The following TBCK variants were observed in gnomAD, a reference collection of about 807,000 sequenced individuals.
TBCK encodes TBC1 domain containing kinase, also known as TBC domain-containing protein kinase-like protein.
TBCK carries 99 observed loss-of-function variants against 113.4 expected under a neutral mutation model. The ratio of observed to expected loss-of-function variants is 0.87; its 90% CI spans 0.74 to 1.03. TBCK has a LOEUF of 1.03. Among genes scored for constraint, TBCK ranks in the 50% least tolerant of loss-of-function variants. TBCK has a pLI of 0.00. For missense variants in TBCK, 1,045 were observed against 1,061.3 expected, an observed-to-expected ratio of 0.98 and a Z score of 0.21; for synonymous variants, 369 against 370.8, an observed-to-expected ratio of 1.00 and a Z score of 0.05.
intron 3 of TBCK, among the ~76,000 whole-genome samples, chr4:106,273,788 G>A (rs561521837): frequency 2.5e-4 from 38 of 152,344 alleles, no homozygotes; most frequent in Admixed American, 1.6e-3. Flanking sequence ...GCCTCCAAAG[G>A]GGGTGTGACC....
intron 24 of TBCK, among the ~76,000 whole-genome samples, chr4:106,115,503 T>C (rs946598809): frequency 1.3e-5 from 2 of 152,214 alleles, no homozygotes; most frequent in Non-Finnish European, 2.9e-5. Flanking sequence ...AAATTAGTTA[T>C]AACATTCATT....
chr4:106,087,713 T>C (rs1343277020), intron 25 of TBCK, among the ~76,000 whole-genome samples: 8 of 152,158 alleles, frequency 5.3e-5, no homozygotes, highest in African/African-American at 1.9e-4. Flanking sequence ...CAAAACAGCA[T>C]GGTATTTGTA....
intron 23 of TBCK, among the ~76,000 whole-genome samples, chr4:106,145,111 A>T (rs929655300): frequency 6.6e-6 from 1 of 151,916 alleles, no homozygotes; most frequent in Non-Finnish European, 1.5e-5. Context: ...GGAAATCAAG[A>T]GATTGAGACC....
At chr4:106,214,476 A>T (rs1235497429) in intron 19 of TBCK, among the ~76,000 whole-genome samples, 1 of 150,624 alleles carries the variant, frequency 6.6e-6, no homozygotes, top group Non-Finnish European at 1.5e-5. Context: ...AAAAAAATTT[A>T]GAAGAATGTA....
rs1275643672 is a variant in TBCK, at chr4:106,242,550, C to A, written c.1090G>T (p.Glu364Ter). Residue 364 changes from glutamate to a stop codon, truncating the protein, a stop_gained, in exon 12 of 26, where the codon GAA becomes TAA. Coordinates refer to ENST00000394708, the MANE Select transcript of TBCK (RefSeq NM_001163435.3). LOFTEE classifies it high-confidence loss of function. The stretch of plus-strand genomic sequence containing the variant: ...CTATCTCGACCTTGTCCAAAGCTTT[C>A]ACCATCCTCAAAGAGAAAACTGAAA... ...TLPNFLFEDG[E>*]SFGQGRDRSS... The A allele has an allele frequency of 6.2e-7, 1 of 1,604,290 alleles. No individual in the cohort carries two copies. Among genetic ancestry groups the A allele is most frequent in the Admixed American group, 1.7e-5 (1 of 58,722 alleles).
chr4:106,302,771 G>GATTA (rs1767080807), intron 2 of TBCK, among the ~76,000 whole-genome samples: 1 of 152,178 alleles, frequency 6.6e-6, no homozygotes, highest in South Asian at 2.1e-4. Flanking sequence ...TCTGTAGCTG[G>GATTA]ATTAAGGGTA....
intron 25 of TBCK, among the ~76,000 whole-genome samples, chr4:106,081,063 T>G (rs1738803327): frequency 6.6e-6 from 1 of 152,146 alleles, no homozygotes; most frequent in African/African-American, 2.4e-5. Flanking sequence ...TTTTACACAT[T>G]GGTGTTAGTG....
At chr4:106,053,082 C>T (rs772677369) in intron 25 of TBCK, among the ~76,000 whole-genome samples, 8 of 151,582 alleles carry the variant, frequency 5.3e-5, no homozygotes, top group Admixed American at 1.3e-4. Flanking sequence ...AACTCATAAA[C>T]GTCCTCTCTC....
intron 23 of TBCK, among the ~76,000 whole-genome samples, chr4:106,139,114 C>T (rs72677328): frequency 0.028 from 3,896 of 140,388 alleles, 768 homozygotes; most frequent in Non-Finnish European, 0.044. Context: ...CTCTGGTCCT[C>T]CTTGTCACTT....
intron 23 of TBCK, among the ~76,000 whole-genome samples, chr4:106,146,994 A>C (rs571122364): frequency 1.6e-4 from 24 of 152,306 alleles, no homozygotes; most frequent in Admixed American, 3.9e-4. Context: ...ATTCCATTCT[A>C]AGAAACTTTT....
chr4:106,079,179 T>A (rs1052586974), intron 25 of TBCK, among the ~76,000 whole-genome samples: 3 of 151,970 alleles, frequency 2.0e-5, no homozygotes, highest in Non-Finnish European at 4.4e-5. Flanking sequence ...TACCTCAAAA[T>A]AAAAAGAGGC....
At chr4:106,134,993 T>C (rs998495139) in intron 23 of TBCK, among the ~76,000 whole-genome samples, 3 of 152,178 alleles carry the variant, frequency 2.0e-5, no homozygotes, top group Non-Finnish European at 2.9e-5. Flanking sequence ...ACATAAAATG[T>C]TATTAAAATT....
chr4:106,224,706 ATC>A (rs987822062), intron 19 of TBCK, among the ~76,000 whole-genome samples: 3 of 152,158 alleles, frequency 2.0e-5, no homozygotes, highest in African/African-American at 7.2e-5. Context: ...TTAGCTTTCC[ATC>A]TCTCTTTCCT....
chr4:106,071,193 G>A (rs1199895970), intron 25 of TBCK, among the ~76,000 whole-genome samples: 1 of 152,090 alleles, frequency 6.6e-6, no homozygotes, highest in Non-Finnish European at 1.5e-5. Flanking sequence ...TGATGTTAGG[G>A]TGTCGATTTT....
At chr4:106,110,601 G>C (rs548794243) in intron 24 of TBCK, among the ~76,000 whole-genome samples, 73 of 152,316 alleles carry the variant, frequency 4.8e-4, no homozygotes, top group African/African-American at 1.7e-3. Context: ...GTTTCTGAAA[G>C]AAGGTGCACT....
intron 25 of TBCK, among the ~76,000 whole-genome samples, chr4:106,071,666 T>G (rs916786995): frequency 6.6e-6 from 1 of 152,148 alleles, no homozygotes; most frequent in Non-Finnish European, 1.5e-5. Flanking sequence ...TAACCTTCTG[T>G]CTTGTTGATC....
intron 24 of TBCK, among the ~76,000 whole-genome samples, chr4:106,107,894 GAAGA>G (rs1742368028): frequency 6.6e-6 from 1 of 152,028 alleles, no homozygotes; most frequent in African/African-American, 2.4e-5. Context: ...GCTAGACTAA[GAAGA>G]AAGAAGATCC....
At chr4:106,193,500 C>G (rs1378327798) in intron 22 of TBCK, 109 bp downstream of exon 22, 10 of 1,132,096 alleles carry the variant, frequency 8.8e-6, no homozygotes, top group Non-Finnish European at 1.3e-5. Context: ...GAGGCCCAAA[C>G]AGAAGAGATG....
At chr4:106,253,861 T>A (rs770768064) in intron 5 of TBCK, among the ~76,000 whole-genome samples, 1 of 152,182 alleles carries the variant, frequency 6.6e-6, no homozygotes, top group East Asian at 1.9e-4. Flanking sequence ...AGCAAATAAG[T>A]GTACTCACAG....
Sources: gnomAD v4.1 joint callset for allele counts (sites outside exome capture counted in the v4.1 genomes callset) on GRCh38, gnomAD v4.1.1 for gene constraint, MANE v1.5 for transcripts, NCBI Gene and HGNC (gene_info 2026-07-23, HGNC 2026-07-21) for gene names.